LIMA1: variants seen among roughly 807,000 people sequenced by gnomAD.
LIMA1 encodes the protein LIM domain and actin-binding protein 1.
LIMA1 carries 52 observed loss-of-function variants against 62.6 expected under a neutral mutation model. The ratio of observed to expected loss-of-function variants is 0.83; its 90% CI spans 0.67 to 1.05. The LOEUF (loss-of-function observed/expected upper bound fraction) is 1.05. Among genes scored for constraint, LIMA1 ranks in the 50% least tolerant of loss-of-function variants. The pLI is 0.00. For missense variants in LIMA1, 780 were observed against 902.2 expected, an observed-to-expected ratio of 0.86 and a Z score of 1.74; for synonymous variants, 302 against 317.8, an observed-to-expected ratio of 0.95 and a Z score of 0.53.
intron 1 of LIMA1, among the ~76,000 whole-genome samples, chr12:50,265,858 A>G (rs112679579): frequency 6.6e-5 from 10 of 152,116 alleles, no homozygotes; most frequent in Non-Finnish European, 1.3e-4. Flanking sequence ...AAACTTCAGT[A>G]GCCATGGTGG....
chr12:50,192,175 CAAA>C (rs1439655496), intron 9 of LIMA1, among the ~76,000 whole-genome samples: 3 of 150,146 alleles, frequency 2.0e-5, no homozygotes, highest in African/African-American at 4.9e-5. Flanking sequence ...TAAACAAAAA[CAAA>C]AATAAAAAAA....
chr12:50,189,777 T>A (rs1172996865), intron 9 of LIMA1: 1 of 152,338 alleles, frequency 6.6e-6, no homozygotes, highest in African/African-American at 2.4e-5. Context: ...AGTGGCGCGA[T>A]CTTGGCTCAC....
chr12:50,198,184 A>G (rs1940970455), intron 7 of LIMA1, among the ~76,000 whole-genome samples: 2 of 152,176 alleles, frequency 1.3e-5, no homozygotes, highest in African/African-American at 4.8e-5. Context: ...CAAGAGTAGT[A>G]TATCTCATGA....
In LIMA1 at chr12:50,241,933, A is replaced by ATTTT. The variant is rs577308413; in HGVS notation, c.119+6696_119+6699dup. ...AATTTTGTTCCTCTTTCCTTCCCAG[A>ATTTT]TTTTTTTTTTTTTTTTTTTTTTTTT... On this transcript the variant is annotated intron_variant, in intron 2 of 10. Coordinates refer to ENST00000341247, the MANE Select transcript of LIMA1 (RefSeq NM_016357.5). Among the ~76,000 whole-genome samples, 123 of 36,434 alleles carry ATTTT rather than the reference A, an allele frequency of 3.4e-3. 23 individuals are homozygous for ATTTT. The highest frequency in any genetic ancestry group is 4.5e-3 in the Non-Finnish European group (91 of 20,246). The allele number at this position is 36,434 out of a possible 152,430, so 23.9% of individuals were successfully genotyped here. A position where few individuals can be genotyped will look rare whatever the true frequency, so the allele number is the denominator to read the frequency against.
rs58209353 is a variant in LIMA1 at position 50,232,344 on chromosome 12, G to A, written c.120-634C>T. Among the ~76,000 whole-genome samples the A allele has an allele frequency of 3.2e-3, 485 of 151,232 alleles. 9 individuals carry two copies. Among genetic ancestry groups the A allele is most frequent in the African/African-American group, 0.011 (441 of 41,268 alleles). ...CCTAAAGTATTGAGATTACAGGCAT[G>A]AGCCACCAGCCCGGCTACTTTCTTT... is the stretch of plus-strand genomic sequence containing the variant. On this transcript the variant is annotated intron_variant, in intron 2 of 10. Coordinates refer to ENST00000341247, the MANE Select transcript of LIMA1 (RefSeq NM_016357.5).
Position 50,177,501 on chromosome 12 carries a change from C to T in LIMA1, c.1843G>A (p.Gly615Ser). 4 of 1,613,170 alleles carry T rather than the reference C, an allele frequency of 2.5e-6. No individual in the cohort carries two copies. Among genetic ancestry groups the T allele is most frequent in the Non-Finnish European group, 1.7e-6 (2 of 1,179,632 alleles). The change falls in exon 11 of 11, where the codon GGC (glycine) becomes AGC (serine). Residue 615 changes from glycine to serine, a missense_variant. Coordinates refer to ENST00000341247, the MANE Select transcript of LIMA1 (RefSeq NM_016357.5). ...PKTVSPPIRK[G>S]WSMSEQSEES... ...TCACTCTGCTCTGACATGCTCCAGC[C>T]TTTCCTGATAGGTGGGGACACAGTT...
intron 1 of LIMA1, among the ~76,000 whole-genome samples, chr12:50,257,395 T>C (rs1386711722): frequency 1.3e-5 from 2 of 152,200 alleles, no homozygotes; most frequent in Non-Finnish European, 2.9e-5. Context: ...CTGGAGGCTA[T>C]ATGAGTAAAC....
rs549480026 is a variant in LIMA1 at position 50,181,974 on chromosome 12, G to A, written c.1204C>T (p.Arg402Cys). 13 of 1,613,558 alleles carry A rather than the reference G, an allele frequency of 8.1e-6. No homozygotes were observed. The highest frequency in any genetic ancestry group is 1.7e-5 in the Admixed American group (1 of 60,020). Residue 402 changes from arginine (R) to cysteine (C), a missense_variant, in exon 10 of 11, where the codon CGT (arginine) becomes TGT (cysteine). Transcript: ENST00000341247. ...ECQKTVYPME[R>C]LLANQQVFHI... The stretch of plus-strand genomic sequence containing the variant: ...AACACCTGCTGGTTGGCCAAGAGAC[G>A]CTCCATTGGATAGACTGTCTTCTGA...
At position 50,193,991 on chromosome 12, in the gene LIMA1, A is replaced by T. The variant is rs201923130; in HGVS notation, c.1031-1430T>A. ...AACATATATATACATATATATATAT[A>T]TATATATTTTTTTTGAGATGGATTT... is the stretch of plus-strand genomic sequence containing the variant. On this transcript the variant is annotated intron_variant, in intron 8 of 10. Transcript: ENST00000341247. Among the ~76,000 whole-genome samples the T allele has an allele frequency of 3.6e-3, 220 of 61,662 alleles. 4 individuals carry two copies. The East Asian group carries it at 0.098, about 28-fold the overall frequency. The allele number at this position is 61,662 out of a possible 152,430, so 40.5% of individuals were successfully genotyped here.
intron 2 of LIMA1, among the ~76,000 whole-genome samples, chr12:50,240,323 T>C (rs1174398444): frequency 6.6e-6 from 1 of 152,122 alleles, no homozygotes; most frequent in Non-Finnish European, 1.5e-5. Flanking sequence ...ATGCAGGTAA[T>C]GCTAAGGACT....
intron 6 of LIMA1, among the ~76,000 whole-genome samples, chr12:50,204,044 G>A (rs538212760): frequency 6.6e-6 from 1 of 152,248 alleles, no homozygotes; most frequent in South Asian, 2.1e-4. Flanking sequence ...AGTATCACAA[G>A]ATTGTATACT....
intron 1 of LIMA1, among the ~76,000 whole-genome samples, chr12:50,264,920 AG>A (rs1323699408): frequency 6.6e-6 from 1 of 152,152 alleles, no homozygotes; most frequent in African/African-American, 2.4e-5. Context: ...CGGGAGGCTG[AG>A]GTGGGAGGAT....
intron 9 of LIMA1, among the ~76,000 whole-genome samples, chr12:50,184,470 T>C (rs1005497369): frequency 2.0e-5 from 3 of 152,142 alleles, no homozygotes; most frequent in Non-Finnish European, 4.4e-5. Flanking sequence ...GGTGAAACCC[T>C]GTCTCTACAG....
chr12:50,192,598 C>G (rs923317197), intron 8 of LIMA1, 37 bp from the exon 9 acceptor site: 2 of 1,468,830 alleles, frequency 1.4e-6, no homozygotes, highest in South Asian at 1.1e-5. Flanking sequence ...TTTACAGTAT[C>G]TCATGGAATG....
At chr12:50,268,013 T>C (rs1460380472) in intron 1 of LIMA1, among the ~76,000 whole-genome samples, 1 of 152,196 alleles carries the variant, frequency 6.6e-6, no homozygotes, top group Non-Finnish European at 1.5e-5. Flanking sequence ...CTTACTTTTT[T>C]TTAAATTATA....
chr12:50,273,049 C>CAAA (rs767351049), intron 1 of LIMA1, among the ~76,000 whole-genome samples: 1 of 112,094 alleles, frequency 8.9e-6, no homozygotes. Flanking sequence ...GACTCTGTCT[C>CAAA]AAAAAAAAAA....
intron 2 of LIMA1, among the ~76,000 whole-genome samples, chr12:50,247,604 AATTATT>A (rs111550387): frequency 6.2e-4 from 87 of 140,610 alleles, no homozygotes; most frequent in Middle Eastern, 3.6e-3. Flanking sequence ...TAAATGCTGG[AATTATT>A]ATTATTATTA....
At chr12:50,249,864 C>T (rs573148212) in intron 1 of LIMA1, 1 of 152,294 alleles carries the variant, frequency 6.6e-6, no homozygotes, top group South Asian at 2.1e-4. Context: ...CTACTTGCAG[C>T]TCTTGGCAAC....
intron 1 of LIMA1, among the ~76,000 whole-genome samples, chr12:50,277,384 G>C (rs1157869073): frequency 6.6e-6 from 1 of 152,020 alleles, no homozygotes; most frequent in African/African-American, 2.4e-5. Context: ...CTTTCCTCAG[G>C]CTCTATATAT....
Sources: gnomAD v4.1 joint callset for allele counts (sites outside exome capture counted in the v4.1 genomes callset) on GRCh38, gnomAD v4.1.1 for gene constraint, MANE v1.5 for transcripts, NCBI Gene and HGNC (gene_info 2026-07-23, HGNC 2026-07-21) for gene names.